A1CF: variants seen among roughly 807,000 people sequenced by gnomAD.
The protein encoded by A1CF is APOBEC1 complementation factor, also known as APOBEC-1 stimulating protein.
A1CF carries 48 observed loss-of-function variants against 68.9 expected under a neutral mutation model. That is an observed-to-expected ratio of 0.70 (90% CI 0.55 to 0.89). A1CF has a LOEUF of 0.89. Ranked by LOEUF, A1CF falls within the 40% of genes least tolerant of loss-of-function variation. The probability of loss-of-function intolerance (pLI) is 0.00; values close to 1 mark genes in which losing one functional copy is unlikely to be tolerated. For synonymous variants in A1CF, 272 were observed against 260.4 expected (o/e 1.04, Z -0.43); for missense variants, 653 against 718.9 (o/e 0.91, Z 1.05).
chr10:50,871,235 A>C (rs1264403169), intron 1 of A1CF, among the ~76,000 whole-genome samples: 1 of 151,886 alleles, frequency 6.6e-6, no homozygotes, highest in East Asian at 1.9e-4. Flanking sequence ...AAAATTATAA[A>C]ATAAATGTTC....
intron 1 of A1CF, among the ~76,000 whole-genome samples, chr10:50,878,174 CTG>C (rs1841604285): frequency 6.6e-6 from 1 of 152,048 alleles, no homozygotes; most frequent in Non-Finnish European, 1.5e-5. Flanking sequence ...CAGGGAGAGA[CTG>C]TTTCAAATTT....
chr10:50,845,606 G>T (rs1012407121), intron 3 of A1CF, among the ~76,000 whole-genome samples: 3 of 152,122 alleles, frequency 2.0e-5, no homozygotes, highest in African/African-American at 7.2e-5. Context: ...CTTAATTTTT[G>T]CATTTTGCTC....
chr10:50,852,396 G>A (rs74420000), intron 3 of A1CF, among the ~76,000 whole-genome samples: 1 of 152,178 alleles, frequency 6.6e-6, no homozygotes, highest in East Asian at 1.9e-4. Flanking sequence ...TTCATTTGGA[G>A]TCTTTCACAC....
At chr10:50,852,954 A>G (rs542151301) in intron 3 of A1CF, among the ~76,000 whole-genome samples, 1 of 152,316 alleles carries the variant, frequency 6.6e-6, no homozygotes, top group South Asian at 2.1e-4. Flanking sequence ...GAGGAACGGT[A>G]TTCTAATTAG....
In A1CF at chr10:50,831,906, G is replaced by T. The variant is rs574583079; in HGVS notation, c.605-3611C>A. On this transcript the variant is annotated intron_variant, in intron 6 of 12. Transcript: ENST00000373997. The stretch of plus-strand genomic sequence containing the variant: ...CTGGTAGAATGGCCATTATCAAAAA[G>T]ATCAAAGATGATGTTGGCAAGGATT... 2.1e-4 allele frequency among the ~76,000 whole-genome samples: 32 copies of T among 152,232 alleles called. 1 individual carries two copies. In the South Asian group the frequency reaches 6.0e-3, roughly 29 times the overall value.
intron 7 of A1CF, among the ~76,000 whole-genome samples, chr10:50,822,046 A>T (rs1838702046): frequency 6.6e-6 from 1 of 152,188 alleles, no homozygotes; most frequent in Non-Finnish European, 1.5e-5. Flanking sequence ...GGAGGTTTTC[A>T]TATTTTAATT....
In A1CF at chr10:50,832,276, A is replaced by G. The variant is rs188508863; in HGVS notation, c.604+3798T>C. The stretch of plus-strand genomic sequence containing the variant: ...CAGTGGGAGTGTTAATACCATGGAA[A>G]CTGGCAAATGCTACAAATCAGGGCT... On this transcript the variant is annotated intron_variant, in intron 6 of 12. Coordinates refer to ENST00000373997, the MANE Select transcript of A1CF (RefSeq NM_014576.4). Among the ~76,000 whole-genome samples the G allele has an allele frequency of 7.6e-4, 115 of 152,316 alleles. 1 individual carries two copies. Among genetic ancestry groups the G allele is most frequent in the African/African-American group, 2.7e-3 (114 of 41,568 alleles).
At position 50,860,035 on chromosome 10, in the gene A1CF, A is replaced by G. The variant is rs1840672556; in HGVS notation, c.-45-50T>C. 4.3e-6 allele frequency: 4 copies of G among 930,258 alleles called. No homozygotes were observed. The South Asian group carries it at 4.4e-5, about 10-fold the overall frequency. 57.6% of individuals were successfully genotyped at this position (930,258 alleles called of 1,614,324 possible). ...AAGTAAATTACTGTTGTCAAGTCCA[A>G]ACTTCTCCTTTTCATGAAGGACATC... On this transcript the variant is annotated intron_variant, in intron 2 of 12. Coordinates refer to ENST00000373997, the MANE Select transcript of A1CF (RefSeq NM_014576.4).
chr10:50,820,736 T>C, intron 7 of A1CF, 87 bp from the exon 8 acceptor site: 1 of 1,013,494 alleles, frequency 9.9e-7, no homozygotes, highest in African/African-American at 1.6e-5. Context: ...GCAAAGAGTA[T>C]TTGATTTTTT....
At chr10:50,813,757 C>T (rs1400481440) in intron 10 of A1CF, 100 bp downstream of exon 10, 2 of 1,266,124 alleles carry the variant, frequency 1.6e-6, no homozygotes, top group Non-Finnish European at 2.2e-6. Context: ...AAGAAAAAAA[C>T]CCATAGCTTG....
rs34770362 is a variant in A1CF at position 50,872,946 on chromosome 10, C to CTTTT, written c.-93-8870_-93-8867dup. ...TACTTTTATTCTTATATTTAAGTTCCTTTTTTTTTTTTTTTTTTTTTTTTT... is the reference window on the plus strand; with the variant it reads ...TACTTTTATTCTTATATTTAAGTTCCTTTTTTTTTTTTTTTTTTTTTTTTTTTTT... On this transcript the variant is annotated intron_variant, in intron 1 of 12. Coordinates refer to ENST00000373997, the MANE Select transcript of A1CF (RefSeq NM_014576.4). Among the ~76,000 whole-genome samples the CTTTT allele has an allele frequency of 3.1e-4, 21 of 67,310 alleles. 1 individual carries two copies. The highest frequency in any genetic ancestry group is 1.4e-3 in the South Asian group (2 of 1,478). 44.2% of individuals were successfully genotyped at this position (67,310 alleles called of 152,430 possible). A position where few individuals can be genotyped will look rare whatever the true frequency, so the allele number is the denominator to read the frequency against.
At chr10:50,827,279 G>A (rs372399339) in intron 7 of A1CF, among the ~76,000 whole-genome samples, 179 of 152,090 alleles carry the variant, frequency 1.2e-3, no homozygotes, top group Non-Finnish European at 1.5e-3. Flanking sequence ...TGCACCAAGC[G>A]GACCTAATAG....
rs1461558646 is a variant in A1CF, at chr10:50,805,648, G to T, written c.*1081C>A. On this transcript the variant is annotated 3_prime_UTR_variant, in exon 13 of 13. Coordinates refer to ENST00000373997, the MANE Select transcript of A1CF (RefSeq NM_014576.4). ...CTTACTGAAACAAAAAGGAAGGAAA[G>T]TTAGAGGATTTCCTGGCAGATTTAA... 3 of 152,222 alleles carry T rather than the reference G, an allele frequency of 2.0e-5. No homozygotes were observed. The highest frequency in any genetic ancestry group is 4.4e-5 in the Non-Finnish European group (3 of 68,044). 9.4% of individuals were successfully genotyped at this position (152,222 alleles called of 1,614,324 possible). A position where few individuals can be genotyped will look rare whatever the true frequency, so the allele number is the denominator to read the frequency against.
Position 50,835,133 on chromosome 10 carries a change from A to G in A1CF, c.604+941T>C, listed in dbSNP as rs141553660. ...TCTAAAAGATTCAGCAACCTTTGGG[A>G]CTGTCTCATTTTTTTTCCCTTTAAG... is the stretch of plus-strand genomic sequence containing the variant. On this transcript the variant is annotated intron_variant, in intron 6 of 12. Transcript: ENST00000373997. Among the ~76,000 whole-genome samples the G allele has an allele frequency of 2.9e-3, 440 of 152,248 alleles. 4 individuals carry two copies. The highest frequency in any genetic ancestry group is 1.0e-2 in the African/African-American group (414 of 41,550).
At chr10:50,875,840 C>T (rs550462279) in intron 1 of A1CF, among the ~76,000 whole-genome samples, 35 of 152,324 alleles carry the variant, frequency 2.3e-4, no homozygotes, top group Admixed American at 4.6e-4. Flanking sequence ...AATATTCCTT[C>T]TAGTATTCTC....
chr10:50,870,752 T>A (rs553241307), intron 1 of A1CF, among the ~76,000 whole-genome samples: 2 of 151,760 alleles, frequency 1.3e-5, no homozygotes, highest in South Asian at 4.1e-4. Flanking sequence ...TAGAAAATAA[T>A]AGAAAACTTC....
chr10:50,882,623 G>A (rs1302573889), intron 1 of A1CF, among the ~76,000 whole-genome samples: 2 of 152,112 alleles, frequency 1.3e-5, no homozygotes, highest in Non-Finnish European at 2.9e-5. Flanking sequence ...GTCACCGCAA[G>A]AGTGCTGCTC....
intron 8 of A1CF, among the ~76,000 whole-genome samples, chr10:50,818,947 C>T (rs1408886814): frequency 6.6e-6 from 1 of 152,148 alleles, no homozygotes; most frequent in Non-Finnish European, 1.5e-5. Flanking sequence ...AGCTGTTCTA[C>T]ATGGGGTCCT....
chr10:50,864,661 C>T (rs1260567676), intron 1 of A1CF, among the ~76,000 whole-genome samples: 1 of 152,060 alleles, frequency 6.6e-6, no homozygotes, highest in African/African-American at 2.4e-5. Context: ...TCTTGTTGCC[C>T]AGGCTGGAGT....
Sources: allele counts gnomAD v4.1 joint callset (sites outside exome capture counted in the v4.1 genomes callset), GRCh38; gene constraint gnomAD v4.1.1; transcripts MANE v1.5; gene names NCBI Gene and HGNC (gene_info 2026-07-23, HGNC 2026-07-21).